NUP155: variants seen among roughly 807,000 people sequenced by gnomAD.
NUP155 encodes the protein nucleoporin 155, also known as nuclear pore complex protein Nup155.
In NUP155, 71 loss-of-function variants were observed where a neutral mutation model predicts 180.4. The observed-to-expected ratio is 0.39, with a 90% CI of 0.33 to 0.48. The LOEUF is 0.48. Ranked by LOEUF, NUP155 falls within the 20% of genes least tolerant of loss-of-function variation. NUP155 has a pLI of 0.91. For missense variants in NUP155, 1,553 were observed against 1,648.9 expected, an observed-to-expected ratio of 0.94 and a Z score of 1.01; for synonymous variants, 582 against 559.5, an observed-to-expected ratio of 1.04 and a Z score of -0.57.
chr5:37,322,191 T>A (rs1744288670), intron 20 of NUP155, among the ~76,000 whole-genome samples: 1 of 152,174 alleles, frequency 6.6e-6, no homozygotes, highest in South Asian at 2.1e-4. Context: ...TCTCCTATAT[T>A]GCCCAGGCTG....
At chr5:37,292,081 A>G (rs200310237) in intron 34 of NUP155, 43 bp from the exon 35 acceptor site, 3 of 1,603,520 alleles carry the variant, frequency 1.9e-6, no homozygotes, top group East Asian at 2.2e-5. Flanking sequence ...ATTTACAAAC[A>G]TTTCCTCCTG....
chr5:37,315,228 T>C (rs1743808526), intron 21 of NUP155, among the ~76,000 whole-genome samples: 1 of 152,078 alleles, frequency 6.6e-6, no homozygotes. Flanking sequence ...CGAGACTCCA[T>C]CTCAAAACAA....
chr5:37,353,872 T>G (rs2737076), intron 4 of NUP155, among the ~76,000 whole-genome samples: 49,065 of 152,068 alleles, frequency 0.32, 12,364 homozygotes, highest in African/African-American at 0.71. Flanking sequence ...GGTGGTGAAG[T>G]TTACACAATA....
rs1448170606 is a variant in NUP155, at chr5:37,363,954, A to C, written c.326T>G (p.Phe109Cys). Residue 109 changes from phenylalanine (F) to cysteine (C), a missense_variant, in exon 3 of 35, where the codon TTC becomes TGC. Coordinates refer to ENST00000231498, the MANE Select transcript of NUP155 (RefSeq NM_153485.3). ...HMQCNCMMGV[F>C]PPISRAWLTI... ...GAGCCAAGCTCTGCTGATAGGAGGG[A>C]ACACACCCATCATGCAATTACACTG... 6.2e-7 allele frequency: 1 copy of C among 1,613,678 alleles called. No individual in the cohort carries two copies. The highest frequency in any genetic ancestry group is 8.5e-7 in the Non-Finnish European group (1 of 1,179,594).
At chr5:37,346,376 AAAG>A (rs1746085816) in intron 9 of NUP155, among the ~76,000 whole-genome samples, 1 of 152,202 alleles carries the variant, frequency 6.6e-6, no homozygotes, top group Non-Finnish European at 1.5e-5. Context: ...TTCATTATAA[AAAG>A]AGTGTTTGCA....
At chr5:37,313,458 G>A (rs1451050550) in intron 22 of NUP155, among the ~76,000 whole-genome samples, 1 of 142,462 alleles carries the variant, frequency 7.0e-6, no homozygotes, top group African/African-American at 2.7e-5. Flanking sequence ...ATAAAATGAA[G>A]TAGGAGTGGT....
At chr5:37,292,603 T>C (rs565311735) in intron 34 of NUP155, among the ~76,000 whole-genome samples, 1 of 152,216 alleles carries the variant, frequency 6.6e-6, no homozygotes, top group South Asian at 2.1e-4. Flanking sequence ...TGGCCAATAA[T>C]ATCACAAAGA....
intron 12 of NUP155, among the ~76,000 whole-genome samples, chr5:37,336,311 T>A (rs1745323948): frequency 6.6e-6 from 1 of 151,958 alleles, no homozygotes; most frequent in Non-Finnish European, 1.5e-5. Context: ...TCAGACCCTG[T>A]CGCTACAAAA....
intron 20 of NUP155, among the ~76,000 whole-genome samples, chr5:37,320,637 C>T (rs1744187258): frequency 6.6e-6 from 1 of 151,954 alleles, no homozygotes; most frequent in Non-Finnish European, 1.5e-5. Context: ...AAAAAAACAT[C>T]CTGCTAAAAA....
chr5:37,368,209 C>CTTTTTTT (rs58198308), intron 1 of NUP155, among the ~76,000 whole-genome samples: 3 of 52,830 alleles, frequency 5.7e-5, no homozygotes, highest in African/African-American at 2.3e-4. Context: ...AGCGCCAGGC[C>CTTTTTTT]TTTTTTTTTT....
chr5:37,327,905 C>T, intron 17 of NUP155, 129 bp from the exon 18 acceptor site: 1 of 995,186 alleles, frequency 1.0e-6, no homozygotes, highest in East Asian at 2.6e-5. Context: ...TCTCATAACC[C>T]AAGTTTGTGT....
At chr5:37,350,135 G>T in intron 7 of NUP155, 25 bp downstream of exon 7, 1 of 1,527,046 alleles carries the variant, frequency 6.5e-7, no homozygotes, top group Non-Finnish European at 9.1e-7. Flanking sequence ...AGTTGTACTT[G>T]CCAAATTTAT....
At chr5:37,307,679 T>G (rs528090701) in intron 24 of NUP155, among the ~76,000 whole-genome samples, 1 of 151,970 alleles carries the variant, frequency 6.6e-6, no homozygotes, top group African/African-American at 2.4e-5. Context: ...TCCCAGCACT[T>G]TGGGAGGCTG....
At chr5:37,356,359 T>C (rs532107338) in intron 4 of NUP155, among the ~76,000 whole-genome samples, 2 of 151,924 alleles carry the variant, frequency 1.3e-5, no homozygotes, top group South Asian at 2.1e-4. Context: ...ATCAGGATTA[T>C]GGCCAGGGCA....
chr5:37,338,787 C>A (rs946424445), intron 11 of NUP155, among the ~76,000 whole-genome samples: 2 of 152,076 alleles, frequency 1.3e-5, no homozygotes, highest in Admixed American at 1.3e-4. Context: ...AGGTAGACTC[C>A]TTAAGTGTTC....
intron 22 of NUP155, among the ~76,000 whole-genome samples, chr5:37,312,817 G>A (rs926253848): frequency 6.6e-6 from 1 of 152,122 alleles, no homozygotes; most frequent in Non-Finnish European, 1.5e-5. Context: ...GTGACAGAGC[G>A]AGACACTGTC....
intron 4 of NUP155, among the ~76,000 whole-genome samples, chr5:37,357,316 G>A (rs1746890476): frequency 7.1e-6 from 1 of 141,484 alleles, no homozygotes. Flanking sequence ...AGGGTCTCCT[G>A]AGCCTGGGAG....
chr5:37,326,403 GAT>G (rs770398179), intron 18 of NUP155, among the ~76,000 whole-genome samples: 10 of 152,130 alleles, frequency 6.6e-5, no homozygotes, highest in Non-Finnish European at 1.5e-4. Context: ...TCTGCAGTAT[GAT>G]TTGATGTCTC....
At chr5:37,347,960 C>A (rs1419355757) in intron 9 of NUP155, among the ~76,000 whole-genome samples, 3 of 152,060 alleles carry the variant, frequency 2.0e-5, no homozygotes, top group Admixed American at 6.6e-5. Context: ...CATGGTGAAA[C>A]CCTGTCTCTA....
Sources: gnomAD v4.1 joint callset for allele counts (sites outside exome capture counted in the v4.1 genomes callset) on GRCh38, gnomAD v4.1.1 for gene constraint, MANE v1.5 for transcripts, NCBI Gene and HGNC (gene_info 2026-07-23, HGNC 2026-07-21) for gene names.